STK3: variants seen among roughly 807,000 people sequenced by gnomAD.
The protein encoded by STK3 is serine/threonine-protein kinase 3.
STK3 carries 41 observed loss-of-function variants against 58.0 expected under a neutral mutation model. That is an observed-to-expected ratio of 0.71 (90% CI 0.55 to 0.92). The LOEUF (loss-of-function observed/expected upper bound fraction) is 0.92, where lower values mean the gene tolerates loss of function less well. Ranked by LOEUF, STK3 falls within the 40% of genes least tolerant of loss-of-function variation. The pLI, the probability that STK3 is intolerant of heterozygous loss-of-function variation, is 0.00. For synonymous variants in STK3, 170 were observed against 191.0 expected, an observed-to-expected ratio of 0.89 and a Z score of 0.91; for missense variants, 479 against 602.7, an observed-to-expected ratio of 0.79 and a Z score of 2.15.
intron 6 of STK3, among the ~76,000 whole-genome samples, chr8:98,673,841 C>T (rs1377006089): frequency 6.6e-6 from 1 of 152,076 alleles, no homozygotes; most frequent in South Asian, 2.1e-4. Context: ...AGAACAATAG[C>T]AGTGATACAA....
chr8:98,740,812 G>C (rs1829137449), intron 4 of STK3, among the ~76,000 whole-genome samples: 1 of 152,142 alleles, frequency 6.6e-6, no homozygotes, highest in South Asian at 2.1e-4. Flanking sequence ...ATTGGATAAA[G>C]AGTCAAGACC....
intron 2 of STK3, among the ~76,000 whole-genome samples, chr8:98,771,442 T>C (rs1831309682): frequency 6.6e-6 from 1 of 152,262 alleles, no homozygotes; most frequent in African/African-American, 2.4e-5. Context: ...CATTTCTCTA[T>C]CACTGGCTAT....
chr8:98,429,547 C>T (rs1818299073), intron 3 of STK3: 2 of 641,198 alleles, frequency 3.1e-6, no homozygotes, highest in Non-Finnish European at 5.4e-6. Context: ...GGGATATGCA[C>T]CCAGGTTTCT....
rs535843327 is a variant in STK3 at position 98,609,868 on chromosome 8, G to A, written c.685-13699C>T. ...CCAGCTACTCAGGAGGCTGAGGCAGGAGAATGGCATGAATCTGGGAGGTGG... is the reference window on the plus strand; with the variant it reads ...CCAGCTACTCAGGAGGCTGAGGCAGAAGAATGGCATGAATCTGGGAGGTGG... On this transcript the variant is annotated intron_variant, in intron 6 of 10. Coordinates refer to ENST00000419617, the MANE Select transcript of STK3 (RefSeq NM_006281.4). 7.2e-4 allele frequency among the ~76,000 whole-genome samples: 109 copies of A among 151,908 alleles called. 1 individual carries two copies. The highest frequency in any genetic ancestry group is 2.6e-3 in the African/African-American group (107 of 41,390).
At chr8:98,682,937 C>T (rs1823742190) in intron 6 of STK3, among the ~76,000 whole-genome samples, 1 of 152,034 alleles carries the variant, frequency 6.6e-6, no homozygotes, top group Non-Finnish European at 1.5e-5. Flanking sequence ...ATCTCTGGCA[C>T]AAATAGTTAC....
At chr8:98,737,711 T>C (rs1158526815) in intron 4 of STK3, among the ~76,000 whole-genome samples, 2 of 152,088 alleles carry the variant, frequency 1.3e-5, no homozygotes, top group Admixed American at 1.3e-4. Flanking sequence ...TATAATTTTC[T>C]TTTTCTTTTT....
At chr8:98,383,111 G>C (rs1331495239) in intron 1 of STK3, among the ~76,000 whole-genome samples, 1 of 152,126 alleles carries the variant, frequency 6.6e-6, no homozygotes, top group Non-Finnish European at 1.5e-5. Context: ...TTAGAATCTT[G>C]TCAGCAGGGA....
intron 1 of STK3, among the ~76,000 whole-genome samples, chr8:98,923,874 C>CGCGT (rs1839681027): frequency 6.9e-6 from 1 of 144,296 alleles, no homozygotes; most frequent in Non-Finnish European, 1.5e-5. Flanking sequence ...CGCGCGCGCG[C>CGCGT]GCGTTGACAA....
chr8:98,348,279 A>G, the STK3 span, among the ~76,000 whole-genome samples: 1 of 152,348 alleles, frequency 6.6e-6, no homozygotes, highest in East Asian at 1.9e-4. Context: ...ATAAGCTTAA[A>G]TGTAAAATCC....
chr8:98,828,437 CAAAAAAAAAAAA>C (rs367737626), upstream of STK3, among the ~76,000 whole-genome samples: 6 of 48,586 alleles, frequency 1.2e-4, no homozygotes, highest in South Asian at 4.1e-3. Context: ...CCCATCTCTA[CAAAAAAAAAAAA>C]AAAAAAAAAA....
intron 3 of STK3, chr8:98,431,813 G>A (rs914231402): frequency 1.8e-5 from 3 of 167,062 alleles, no homozygotes; most frequent in African/African-American, 7.2e-5. Context: ...GAATCCCAAC[G>A]TGCTTTAGAG....
chr8:98,356,985 T>C, the STK3 span, among the ~76,000 whole-genome samples: 9 of 152,230 alleles, frequency 5.9e-5, no homozygotes, highest in African/African-American at 1.9e-4. Context: ...AGATTACATA[T>C]AAGACCTCCT....
At chr8:98,941,834 C>T (rs1168750516) in intron 1 of STK3, among the ~76,000 whole-genome samples, 2 of 152,262 alleles carry the variant, frequency 1.3e-5, no homozygotes, top group Non-Finnish European at 2.9e-5. Flanking sequence ...TCCCTGAGAG[C>T]GTCCTTGGTG....
chr8:98,782,013 T>C, intron 1 of STK3: 1 of 168,142 alleles, frequency 5.9e-6, no homozygotes. Context: ...AATAAAATAT[T>C]TGCTTTCGTT....
At chr8:98,512,045 T>C (rs1824559902) in intron 10 of STK3, among the ~76,000 whole-genome samples, 1 of 152,116 alleles carries the variant, frequency 6.6e-6, no homozygotes, top group Non-Finnish European at 1.5e-5. Flanking sequence ...TATGTATACA[T>C]GTGTCATGTT....
chr8:98,528,508 T>C (rs1295850177), intron 9 of STK3, among the ~76,000 whole-genome samples: 2 of 151,986 alleles, frequency 1.3e-5, no homozygotes, highest in African/African-American at 4.8e-5. Context: ...TTTTTTGAGA[T>C]GGAGTTTCGC....
intron 1 of STK3, among the ~76,000 whole-genome samples, chr8:98,886,177 A>G (rs968014211): frequency 6.6e-6 from 1 of 152,204 alleles, no homozygotes; most frequent in Admixed American, 6.5e-5. Context: ...GCACAGAACT[A>G]TGTACACATA....
At chr8:98,834,971 G>T (rs1835694619) in intron 3 of STK3, among the ~76,000 whole-genome samples, 1 of 152,202 alleles carries the variant, frequency 6.6e-6, no homozygotes, top group Non-Finnish European at 1.5e-5. Flanking sequence ...AATTTACATT[G>T]AAATAACATA....
At chr8:98,787,030 G>T (rs1832507238) in intron 1 of STK3, among the ~76,000 whole-genome samples, 1 of 151,678 alleles carries the variant, frequency 6.6e-6, no homozygotes, top group South Asian at 2.1e-4. Context: ...TTAGCTTGGT[G>T]TGGTGGTGCA....
Sources: allele counts gnomAD v4.1 joint callset (sites outside exome capture counted in the v4.1 genomes callset), GRCh38; gene constraint gnomAD v4.1.1; transcripts MANE v1.5; gene names NCBI Gene and HGNC (gene_info 2026-07-23, HGNC 2026-07-21).